The following ALOX5AP variants were observed in gnomAD, a reference collection of about 807,000 sequenced individuals.
The protein encoded by ALOX5AP is arachidonate 5-lipoxygenase activating protein, also known as arachidonate 5-lipoxygenase-activating protein.
ALOX5AP carries 9 observed loss-of-function variants against 18.5 expected under a neutral mutation model. The observed-to-expected ratio is 0.49, with a 90% confidence interval of 0.29 to 0.85. The LOEUF is 0.85. Ranked by LOEUF, ALOX5AP falls within the 40% of genes least tolerant of loss-of-function variation. The pLI, the probability that ALOX5AP is intolerant of heterozygous loss-of-function variation, is 0.08. For missense variants in ALOX5AP, 172 were observed against 202.5 expected (o/e 0.85, Z 0.91); for synonymous variants, 81 against 78.6 (o/e 1.03, Z -0.16).
intron 1 of ALOX5AP, among the ~76,000 whole-genome samples, chr13:30,740,653 G>A (rs1208911306): frequency 6.6e-6 from 1 of 152,158 alleles, no homozygotes; most frequent in East Asian, 1.9e-4. Flanking sequence ...AGGAAGGAGC[G>A]GTAAACCCTA....
intron 1 of ALOX5AP, among the ~76,000 whole-genome samples, chr13:30,730,069 C>T (rs1288443786): frequency 6.6e-6 from 1 of 152,206 alleles, no homozygotes; most frequent in Admixed American, 6.5e-5. Context: ...ACTTTGTCTT[C>T]TATTTGTTCG....
intron 1 of ALOX5AP, among the ~76,000 whole-genome samples, chr13:30,716,453 T>C (rs536573423): frequency 6.6e-6 from 1 of 152,364 alleles, no homozygotes; most frequent in Non-Finnish European, 1.5e-5. Flanking sequence ...AGGCCGCACT[T>C]GGACCTGTAG....
At position 30,747,103 on chromosome 13, in the gene ALOX5AP, G is replaced by A. The variant is rs942713809; in HGVS notation, c.170+2944G>A. ...GTCCCTCCACCCATCTCCCATGAGGGCAGAGCTGAGCCAGGGTTTGAGAGC... is the reference window on the plus strand; with the variant it reads ...GTCCCTCCACCCATCTCCCATGAGGACAGAGCTGAGCCAGGGTTTGAGAGC... On this transcript the variant is annotated intron_variant, in intron 2 of 4. Coordinates refer to ENST00000380490, the MANE Select transcript of ALOX5AP (RefSeq NM_001629.4). Among the ~76,000 whole-genome samples, 25 of 152,316 alleles carry A rather than the reference G, an allele frequency of 1.6e-4. 1 individual carries two copies. The highest frequency in any genetic ancestry group is 5.5e-4 in the African/African-American group (23 of 41,572).
At chr13:30,746,371 C>T (rs1951809449) in intron 2 of ALOX5AP, among the ~76,000 whole-genome samples, 1 of 152,158 alleles carries the variant, frequency 6.6e-6, no homozygotes, top group Non-Finnish European at 1.5e-5. Context: ...GGAGAGATAG[C>T]CATGGAAAGG....
chr13:30,751,753 G>A (rs1951853399), intron 2 of ALOX5AP, among the ~76,000 whole-genome samples: 1 of 152,174 alleles, frequency 6.6e-6, no homozygotes, highest in Non-Finnish European at 1.5e-5. Flanking sequence ...AAGCGCAGGG[G>A]CACCGCCAGG....
intron 1 of ALOX5AP, among the ~76,000 whole-genome samples, chr13:30,715,935 C>T (rs1951547091): frequency 6.6e-6 from 1 of 152,162 alleles, no homozygotes; most frequent in South Asian, 2.1e-4. Flanking sequence ...AAGAATGTCA[C>T]TGCAATGCTG....
At chr13:30,723,726 G>GA (rs1951614170) in intron 1 of ALOX5AP, among the ~76,000 whole-genome samples, 1 of 152,064 alleles carries the variant, frequency 6.6e-6, no homozygotes, top group South Asian at 2.1e-4. Context: ...ACTCCTAAGT[G>GA]AAAAATACTA....
chr13:30,739,347 TG>T (rs1951744893), intron 1 of ALOX5AP, among the ~76,000 whole-genome samples: 1 of 152,230 alleles, frequency 6.6e-6, no homozygotes, highest in African/African-American at 2.4e-5. Context: ...GTACCTATTT[TG>T]TTCCCTGCTT....
chr13:30,755,717 G>A (rs1951887972), intron 3 of ALOX5AP, among the ~76,000 whole-genome samples: 2 of 152,226 alleles, frequency 1.3e-5, no homozygotes, highest in South Asian at 4.1e-4. Context: ...CGTGCGACCC[G>A]CAGGCTCCGG....
At chr13:30,718,293 C>A in intron 1 of ALOX5AP, among the ~76,000 whole-genome samples, 1 of 151,418 alleles carries the variant, frequency 6.6e-6, no homozygotes, top group Non-Finnish European at 1.5e-5. Flanking sequence ...CCTCTGAGGT[C>A]TAACACACTC....
At position 30,764,077 on chromosome 13, in the gene ALOX5AP, A is replaced by G; in HGVS notation, c.457A>G (p.Thr153Ala). Residue 153 changes from threonine (T) to alanine (A), a missense_variant, in exon 5 of 5, where the codon ACC becomes GCC. Thr to Ala is a moderately conservative substitution (Grantham distance 58, BLOSUM62 0). Transcript: ENST00000380490. Reference protein sequence around the residue: ...FENYIKTISTTISPLLLIP With the variant: ...FENYIKTISTAISPLLLIP Reference sequence around the variant, plus strand: ...AAACTACATAAAGACGATCTCCACCACCATCTCCCCTCTACTTCTCATTCC... The same window carrying G: ...AAACTACATAAAGACGATCTCCACCGCCATCTCCCCTCTACTTCTCATTCC... 1 of 1,614,156 alleles carries G rather than the reference A, an allele frequency of 6.2e-7. No individual in the cohort carries two copies. The highest frequency in any genetic ancestry group is 8.5e-7 in the Non-Finnish European group (1 of 1,180,022).
intron 4 of ALOX5AP, among the ~76,000 whole-genome samples, chr13:30,760,912 A>C (rs1951936738): frequency 6.6e-6 from 1 of 152,160 alleles, no homozygotes; most frequent in Admixed American, 6.5e-5. Context: ...TTGGTATAAA[A>C]AAAAAATAGA....
intron 1 of ALOX5AP, among the ~76,000 whole-genome samples, chr13:30,740,418 G>A (rs771876101): frequency 9.8e-5 from 15 of 152,334 alleles, no homozygotes; most frequent in Non-Finnish European, 2.1e-4. Flanking sequence ...CAGTGCCCAC[G>A]TACGGCGGAT....
intron 1 of ALOX5AP, among the ~76,000 whole-genome samples, chr13:30,725,509 C>T (rs1951632640): frequency 6.6e-6 from 1 of 152,250 alleles, no homozygotes; most frequent in African/African-American, 2.4e-5. Context: ...AATTTGGCTC[C>T]AGCCATTGCT....
chr13:30,738,861 C>G (rs1434996757), intron 1 of ALOX5AP, among the ~76,000 whole-genome samples: 1 of 152,082 alleles, frequency 6.6e-6, no homozygotes, highest in Non-Finnish European at 1.5e-5. Context: ...GACATTATGG[C>G]CCTGCAATCA....
chr13:30,727,773 G>A (rs1951650319), intron 1 of ALOX5AP, among the ~76,000 whole-genome samples: 2 of 152,194 alleles, frequency 1.3e-5, no homozygotes, highest in African/African-American at 4.8e-5. Context: ...CTTCATGTTG[G>A]TGAGTGATAG....
intron 1 of ALOX5AP, among the ~76,000 whole-genome samples, chr13:30,717,352 G>C (rs1035644362): frequency 5.3e-5 from 8 of 152,300 alleles, no homozygotes; most frequent in Non-Finnish European, 7.4e-5. Context: ...CAAAGGTGTG[G>C]GGGAAAACCC....
At chr13:30,755,614 T>A (rs1951886935) in intron 3 of ALOX5AP, among the ~76,000 whole-genome samples, 1 of 152,178 alleles carries the variant, frequency 6.6e-6, no homozygotes, top group Admixed American at 6.5e-5. Flanking sequence ...CAATAGCTGA[T>A]GAGCTAAAGA....
intron 1 of ALOX5AP, among the ~76,000 whole-genome samples, chr13:30,726,234 T>C (rs1030752859): frequency 1.3e-5 from 2 of 151,728 alleles, no homozygotes; most frequent in Non-Finnish European, 2.9e-5. Flanking sequence ...AGGAAGGGGG[T>C]TCCTTTCTCA....
Sources: gnomAD v4.1 joint callset for allele counts (sites outside exome capture counted in the v4.1 genomes callset) on GRCh38, gnomAD v4.1.1 for gene constraint, MANE v1.5 for transcripts, NCBI Gene and HGNC (gene_info 2026-07-23, HGNC 2026-07-21) for gene names.